Variants in FAM184B observed in about 807,000 individuals in gnomAD.
The protein encoded by FAM184B is family with sequence similarity 184 member B.
FAM184B carries 111 observed loss-of-function variants against 135.9 expected under a neutral mutation model. The observed-to-expected ratio is 0.82, with a 90% confidence interval of 0.70 to 0.96. The LOEUF (loss-of-function observed/expected upper bound fraction) is 0.96, where lower values mean the gene tolerates loss of function less well. Ranked by LOEUF, FAM184B falls within the 40% of genes least tolerant of loss-of-function variation. FAM184B has a pLI of 0.00. For missense variants in FAM184B, 1,375 were observed against 1,323.9 expected, an observed-to-expected ratio of 1.04 and a Z score of -0.60; for synonymous variants, 552 against 524.8, an observed-to-expected ratio of 1.05 and a Z score of -0.71.
chr4:17,658,904 C>T (rs1046485911), intron 9 of FAM184B, among the ~76,000 whole-genome samples: 7 of 152,080 alleles, frequency 4.6e-5, no homozygotes, highest in African/African-American at 1.4e-4. Context: ...TCCTGATAGC[C>T]CCATGTAGTA....
intron 7 of FAM184B, 120 bp downstream of exon 7, chr4:17,688,304 C>G: frequency 1.5e-6 from 1 of 669,164 alleles, no homozygotes; most frequent in South Asian, 2.0e-5. Context: ...GGCATTTTGG[C>G]AGTGTCGAGG....
In FAM184B at chr4:17,631,337, A is replaced by T. The variant is rs917529196; in HGVS notation, c.*1195T>A. 2.0e-5 allele frequency: 3 copies of T among 150,154 alleles called. No homozygotes were observed. Among genetic ancestry groups the T allele is most frequent in the Admixed American group, 1.3e-4 (2 of 15,188 alleles). The allele number at this position is 150,154 out of a possible 1,614,324, so 9.3% of individuals were successfully genotyped here. ...TAGCTGGGTTTTCTTTGGGCTAATT[A>T]TTTTTTTGTAGAGATGGAGGTCTCG... On this transcript the variant is annotated 3_prime_UTR_variant, in exon 18 of 18. Transcript: ENST00000265018.
intron 1 of FAM184B, among the ~76,000 whole-genome samples, chr4:17,753,211 G>T (rs1337193778): frequency 6.6e-6 from 1 of 152,144 alleles, no homozygotes; most frequent in Non-Finnish European, 1.5e-5. Context: ...ATATGTAATT[G>T]TTTGTTTATT....
At chr4:17,657,129 CTTT>C (rs369697516) in intron 10 of FAM184B, among the ~76,000 whole-genome samples, 1 of 152,188 alleles carries the variant, frequency 6.6e-6, no homozygotes, top group African/African-American at 2.4e-5. Context: ...CCTCATGCAG[CTTT>C]TTGTTTTTCC....
chr4:17,712,524 T>C (rs1351121589), intron 1 of FAM184B, among the ~76,000 whole-genome samples: 2 of 152,196 alleles, frequency 1.3e-5, no homozygotes, highest in African/African-American at 4.8e-5. Flanking sequence ...GGTTTTTCCT[T>C]ATCCATGAGG....
chr4:17,742,166 A>AT (rs1313249091), intron 1 of FAM184B, among the ~76,000 whole-genome samples: 22 of 36,682 alleles, frequency 6.0e-4, no homozygotes, highest in African/African-American at 4.4e-3. Context: ...ATATATATAT[A>AT]TATTTTTTTT....
chr4:17,735,854 C>T (rs1179465422), intron 1 of FAM184B, among the ~76,000 whole-genome samples: 3 of 152,198 alleles, frequency 2.0e-5, no homozygotes, highest in South Asian at 4.1e-4. Context: ...CAGTGCCAAA[C>T]TCATCCTGTG....
At chr4:17,744,495 CACA>C (rs1718116874) in intron 1 of FAM184B, among the ~76,000 whole-genome samples, 1 of 141,922 alleles carries the variant, frequency 7.0e-6, no homozygotes, top group Non-Finnish European at 1.5e-5. Flanking sequence ...ACACACCACA[CACA>C]CACACACACA....
chr4:17,750,168 G>A (rs1003620370), intron 1 of FAM184B, among the ~76,000 whole-genome samples: 1 of 152,178 alleles, frequency 6.6e-6, no homozygotes, highest in African/African-American at 2.4e-5. Context: ...CATACATATT[G>A]TAAAACTGCT....
chr4:17,721,405 A>AAAAAAAAAAAAAAAG, intron 1 of FAM184B, among the ~76,000 whole-genome samples: 1 of 149,614 alleles, frequency 6.7e-6, no homozygotes, highest in African/African-American at 2.5e-5. Flanking sequence ...AAAAAAAAAA[A>AAAAAAAAAAAAAAAG]ATCTCTTTGC....
intron 1 of FAM184B, among the ~76,000 whole-genome samples, chr4:17,726,086 G>A (rs1717633156): frequency 6.6e-6 from 1 of 152,006 alleles, no homozygotes; most frequent in Non-Finnish European, 1.5e-5. Context: ...ACCACGCCCA[G>A]CTAATTTTTT....
chr4:17,751,432 G>A (rs1236871210), intron 1 of FAM184B, among the ~76,000 whole-genome samples: 1 of 152,072 alleles, frequency 6.6e-6, no homozygotes, highest in African/African-American at 2.4e-5. Context: ...ATGCTGAGGA[G>A]TAGGAATACA....
intron 1 of FAM184B, among the ~76,000 whole-genome samples, chr4:17,717,293 C>G (rs1453300839): frequency 6.6e-6 from 1 of 152,194 alleles, no homozygotes; most frequent in Non-Finnish European, 1.5e-5. Context: ...CTCTCTCACC[C>G]AATCTCCTCC....
chr4:17,710,349 A>AACAAACAT (rs1717237522), intron 1 of FAM184B, among the ~76,000 whole-genome samples: 1 of 151,828 alleles, frequency 6.6e-6, no homozygotes, highest in Admixed American at 6.6e-5. Flanking sequence ...CAAACAAAGA[A>AACAAACAT]ACAAAAACTG....
At chr4:17,767,269 G>A (rs1331712811) in intron 1 of FAM184B, among the ~76,000 whole-genome samples, 6 of 152,220 alleles carry the variant, frequency 3.9e-5, no homozygotes, top group South Asian at 2.1e-4. Flanking sequence ...GCAGCGGTGG[G>A]CTGAAGGGCT....
intron 1 of FAM184B, among the ~76,000 whole-genome samples, chr4:17,728,920 C>T (rs531754723): frequency 5.7e-4 from 87 of 152,266 alleles, no homozygotes; most frequent in African/African-American, 1.9e-3. Flanking sequence ...GGGTACAGTG[C>T]ACCATGCGCG....
intron 1 of FAM184B, among the ~76,000 whole-genome samples, chr4:17,723,828 G>T (rs1353468254): frequency 6.6e-6 from 1 of 152,140 alleles, no homozygotes; most frequent in African/African-American, 2.4e-5. Context: ...CTTCATGCAA[G>T]GTCGAATTCA....
chr4:17,730,636 A>G (rs1471184117), intron 1 of FAM184B, among the ~76,000 whole-genome samples: 1 of 152,216 alleles, frequency 6.6e-6, no homozygotes, highest in Non-Finnish European at 1.5e-5. Context: ...AAAGATGGGG[A>G]AAAAACAGAG....
intron 5 of FAM184B, among the ~76,000 whole-genome samples, chr4:17,696,923 A>G (rs1205908190): frequency 1.3e-5 from 2 of 152,216 alleles, no homozygotes; most frequent in African/African-American, 4.8e-5. Context: ...GAGAGCAATC[A>G]GGAGTGTGCC....
Sources: gnomAD v4.1 joint callset for allele counts (sites outside exome capture counted in the v4.1 genomes callset) on GRCh38, gnomAD v4.1.1 for gene constraint, MANE v1.5 for transcripts, NCBI Gene and HGNC (gene_info 2026-07-23, HGNC 2026-07-21) for gene names.